Variants in ZNF827 observed in about 807,000 individuals in gnomAD.
The protein encoded by ZNF827 is zinc finger protein 827.
ZNF827 carries 13 observed loss-of-function variants against 102.4 expected under a neutral mutation model. The ratio of observed to expected loss-of-function variants is 0.13; its 90% CI spans 0.08 to 0.20. ZNF827 has a LOEUF of 0.20. Ranked by LOEUF, ZNF827 falls within the 10% of genes least tolerant of loss-of-function variation. The pLI is 1.00. For missense variants in ZNF827, 1,103 were observed against 1,344.4 expected, an observed-to-expected ratio of 0.82 and a Z score of 2.81; for synonymous variants, 523 against 536.2, an observed-to-expected ratio of 0.98 and a Z score of 0.34.
chr4:145,885,674 G>A lies in ZNF827; in HGVS notation c.1747+4C>T. 1 of 1,516,896 alleles carries A rather than the reference G, an allele frequency of 6.6e-7. No individual in the cohort carries two copies. Among genetic ancestry groups the A allele is most frequent in the Non-Finnish European group, 8.8e-7 (1 of 1,134,614 alleles). The allele number at this position is 1,516,896 out of a possible 1,614,324, so 94.0% of individuals were successfully genotyped here. A position where few individuals can be genotyped will look rare whatever the true frequency, so the allele number is the denominator to read the frequency against. On this transcript the variant is annotated splice_donor_region_variant and intron_variant, in intron 4 of 14. Coordinates refer to ENST00000508784, the MANE Select transcript of ZNF827 (RefSeq NM_001306215.2). ...AGAGAGAGAATACAACCCTATTCAA[G>A]TACCTGACAGCTTCATGAGAAAATC... is the stretch of plus-strand genomic sequence containing the variant.
At chr4:145,841,358 G>A (rs1745398258) in intron 7 of ZNF827, among the ~76,000 whole-genome samples, 1 of 152,018 alleles carries the variant, frequency 6.6e-6, no homozygotes, top group Non-Finnish European at 1.5e-5. Context: ...TAAACTTTGA[G>A]ATCTGATTAT....
intron 8 of ZNF827, among the ~76,000 whole-genome samples, chr4:145,794,119 T>C (rs1371208656): frequency 2.6e-5 from 4 of 152,232 alleles, no homozygotes; most frequent in Non-Finnish European, 5.9e-5. Flanking sequence ...GATGTCACCA[T>C]GAGAATCTTA....
chr4:145,875,433 A>T (rs1160652361), intron 4 of ZNF827, among the ~76,000 whole-genome samples: 1 of 152,198 alleles, frequency 6.6e-6, no homozygotes, highest in African/African-American at 2.4e-5. Flanking sequence ...TACCTTTAAA[A>T]GGGACACTAT....
chr4:145,800,032 C>T (rs995604889), intron 8 of ZNF827, among the ~76,000 whole-genome samples: 2 of 150,932 alleles, frequency 1.3e-5, no homozygotes, highest in Non-Finnish European at 3.0e-5. Flanking sequence ...AATTTTATCA[C>T]AACTAATACA....
chr4:145,823,590 G>A (rs2126494333), intron 7 of ZNF827, 65 bp from the exon 8 acceptor site: 1 of 1,073,784 alleles, frequency 9.3e-7, no homozygotes, highest in Non-Finnish European at 1.4e-6. Flanking sequence ...CAGAGCACCT[G>A]GTCCCAAATA....
intron 1 of ZNF827, among the ~76,000 whole-genome samples, chr4:145,927,510 AGGAGGGAAATACTATT>A (rs1273486682): frequency 1.3e-5 from 2 of 152,208 alleles, no homozygotes; most frequent in African/African-American, 2.4e-5. Flanking sequence ...TAAGTCTTTG[AGGAGGGAAATACTATT>A]GGCAGCAGAG....
Position 145,892,505 on chromosome 4 carries a change from G to C in ZNF827, c.1094-90C>G, listed in dbSNP as rs572038928. On this transcript the variant is annotated intron_variant, in intron 2 of 14. Coordinates refer to ENST00000508784, the MANE Select transcript of ZNF827 (RefSeq NM_001306215.2). Reference sequence around the variant, plus strand: ...ATTCACATACACTGCCATATAAAAAGCACTAAAAATGATTTGGGTTTTTTT... The same window carrying C: ...ATTCACATACACTGCCATATAAAAACCACTAAAAATGATTTGGGTTTTTTT... The C allele has an allele frequency of 4.0e-5, 53 of 1,319,712 alleles. No homozygotes were observed. In the South Asian group the frequency reaches 9.2e-4, roughly 23 times the overall value. The allele number at this position is 1,319,712 out of a possible 1,614,324, so 81.8% of individuals were successfully genotyped here. A position where few individuals can be genotyped will look rare whatever the true frequency, so the allele number is the denominator to read the frequency against.
chr4:145,905,888 GA>G (rs542434144), intron 1 of ZNF827, among the ~76,000 whole-genome samples: 267 of 152,202 alleles, frequency 1.8e-3, no homozygotes, highest in South Asian at 8.5e-3. Flanking sequence ...GAAGTAACGG[GA>G]AAATATATTA....
At position 145,761,452 on chromosome 4, in the gene ZNF827, C is replaced by T; in HGVS notation, c.*164G>A. ...GTCGCACTTGTAGTGGTTGCCCAGG[C>T]GGTGCTCCCGGGTGTGCGTCTCCAG... is the stretch of plus-strand genomic sequence containing the variant. On this transcript the variant is annotated 3_prime_UTR_variant, in exon 15 of 15. Transcript: ENST00000508784. This position sits in a 1 kb window ranked among gnomAD's most constrained non-coding sequence, Gnocchi z 6.8. 1 of 1,289,838 alleles carries T rather than the reference C, an allele frequency of 7.8e-7. No homozygotes were observed. Among genetic ancestry groups the T allele is most frequent in the Non-Finnish European group, 1.0e-6 (1 of 988,868 alleles). 79.9% of individuals were successfully genotyped at this position (1,289,838 alleles called of 1,614,324 possible).
At chr4:145,931,281 G>C (rs1389035551) in intron 1 of ZNF827, among the ~76,000 whole-genome samples, 1 of 152,148 alleles carries the variant, frequency 6.6e-6, no homozygotes, top group Admixed American at 6.5e-5. Flanking sequence ...GCCCTAGATG[G>C]AATGAATTAC....
At chr4:145,856,712 CACACACACACA>C (rs1480021124) in intron 5 of ZNF827, among the ~76,000 whole-genome samples, 1 of 149,274 alleles carries the variant, frequency 6.7e-6, no homozygotes, top group African/African-American at 2.5e-5. Flanking sequence ...CACACACACA[CACACACACACA>C]CCCCATTTCA....
intron 5 of ZNF827, among the ~76,000 whole-genome samples, chr4:145,860,813 C>T (rs886520714): frequency 2.6e-5 from 4 of 152,162 alleles, no homozygotes; most frequent in South Asian, 2.1e-4. Flanking sequence ...AGCTTGATAG[C>T]GGGGAAACAC....
chr4:145,840,903 GA>G (rs1481284852), intron 7 of ZNF827, among the ~76,000 whole-genome samples: 2 of 152,202 alleles, frequency 1.3e-5, no homozygotes, highest in Non-Finnish European at 2.9e-5. Context: ...CTAAATCACA[GA>G]AAAATAGCCT....
chr4:145,852,284 TG>T (rs1746611786), intron 5 of ZNF827, among the ~76,000 whole-genome samples: 1 of 152,222 alleles, frequency 6.6e-6, no homozygotes, highest in South Asian at 2.1e-4. Flanking sequence ...AAAAATCACC[TG>T]GCTATTTGCA....
chr4:145,926,694 T>C (rs1753452943), intron 1 of ZNF827, among the ~76,000 whole-genome samples: 1 of 152,218 alleles, frequency 6.6e-6, no homozygotes, highest in Non-Finnish European at 1.5e-5. Flanking sequence ...ACTAAGCATA[T>C]ACTACTTTTG....
intron 4 of ZNF827, among the ~76,000 whole-genome samples, chr4:145,884,633 A>T (rs945327029): frequency 2.0e-5 from 3 of 152,158 alleles, no homozygotes; most frequent in African/African-American, 7.2e-5. Context: ...ACACCTTATC[A>T]TTCCAAAAGA....
intron 8 of ZNF827, among the ~76,000 whole-genome samples, chr4:145,780,108 T>A (rs999765600): frequency 2.0e-5 from 3 of 152,144 alleles, no homozygotes; most frequent in Non-Finnish European, 2.9e-5. Flanking sequence ...CGAGAATCGC[T>A]TGAAGCTGGG....
intron 1 of ZNF827, among the ~76,000 whole-genome samples, chr4:145,911,438 G>A (rs1406510212): frequency 6.6e-6 from 1 of 152,112 alleles, no homozygotes; most frequent in East Asian, 1.9e-4. Context: ...ACAATGCCAA[G>A]AGCTCAATAA....
intron 1 of ZNF827, among the ~76,000 whole-genome samples, chr4:145,921,387 T>C (rs909215784): frequency 2.7e-5 from 4 of 145,968 alleles, no homozygotes; most frequent in Non-Finnish European, 5.9e-5. Flanking sequence ...ATTACATGAG[T>C]GTTTTAGAAA....
Sources: allele counts gnomAD v4.1 joint callset (sites outside exome capture counted in the v4.1 genomes callset), GRCh38; gene constraint gnomAD v4.1.1; non-coding constraint Gnocchi (gnomAD v3.1); transcripts MANE v1.5; gene names NCBI Gene and HGNC (gene_info 2026-07-23, HGNC 2026-07-21).